SLC35F1: variants seen among roughly 807,000 people sequenced by gnomAD.
The protein encoded by SLC35F1 is chromosome 6 open reading frame 169.
A neutral mutation model predicts 48.7 loss-of-function variants in SLC35F1; 14 were observed. The observed-to-expected ratio is 0.29, with a 90% CI of 0.19 to 0.45. SLC35F1 has a LOEUF of 0.45. Ranked by LOEUF, SLC35F1 falls within the 20% of genes least tolerant of loss-of-function variation. The pLI, the probability that SLC35F1 is intolerant of heterozygous loss-of-function variation, is 1.00. For synonymous variants in SLC35F1, 190 were observed against 202.2 expected (o/e 0.94, Z 0.51); for missense variants, 404 against 500.0 (o/e 0.81, Z 1.83).
At chr6:118,010,300 A>G (rs900244036) in intron 1 of SLC35F1, among the ~76,000 whole-genome samples, 2 of 152,208 alleles carry the variant, frequency 1.3e-5, no homozygotes, top group Non-Finnish European at 2.9e-5. Context: ...TTGAATCATT[A>G]CAGAACAGTA....
At chr6:118,099,158 G>A (rs1562289886) in intron 1 of SLC35F1, among the ~76,000 whole-genome samples, 1 of 152,200 alleles carries the variant, frequency 6.6e-6, no homozygotes, top group Non-Finnish European at 1.5e-5. Flanking sequence ...ATGTGGCAGT[G>A]CCATGATGTC....
intron 1 of SLC35F1, among the ~76,000 whole-genome samples, chr6:118,050,251 A>T (rs1229794095): frequency 6.6e-6 from 1 of 151,956 alleles, no homozygotes; most frequent in Non-Finnish European, 1.5e-5. Context: ...GCATTAGGAG[A>T]TATACCTAAT....
At chr6:117,987,544 T>G (rs1562256298) in intron 1 of SLC35F1, among the ~76,000 whole-genome samples, 1 of 152,092 alleles carries the variant, frequency 6.6e-6, no homozygotes, top group East Asian at 1.9e-4. Context: ...CTGCACAGAC[T>G]TAGGGTTTTA....
At chr6:118,076,054 G>T (rs2114310031) in intron 1 of SLC35F1, among the ~76,000 whole-genome samples, 1 of 151,362 alleles carries the variant, frequency 6.6e-6, no homozygotes, top group Non-Finnish European at 1.5e-5. Context: ...TGATTCTGCT[G>T]GAAAAAAAAA....
chr6:118,253,024 G>C (rs1394742863), intron 3 of SLC35F1, among the ~76,000 whole-genome samples: 4 of 152,086 alleles, frequency 2.6e-5, no homozygotes, highest in Non-Finnish European at 4.4e-5. Flanking sequence ...TAGATAAGTA[G>C]GTGGTTATAT....
chr6:118,020,418 G>GA (rs1777379092), intron 1 of SLC35F1, among the ~76,000 whole-genome samples: 1 of 152,200 alleles, frequency 6.6e-6, no homozygotes, highest in Non-Finnish European at 1.5e-5. Context: ...CAACCAGTTT[G>GA]AAAGTTGGAG....
chr6:117,911,190 T>G (rs1218050451), intron 1 of SLC35F1, among the ~76,000 whole-genome samples: 1 of 152,174 alleles, frequency 6.6e-6, no homozygotes, highest in Non-Finnish European at 1.5e-5. Context: ...ACTAGATAAT[T>G]TTTTAAAATA....
chr6:117,916,997 A>C (rs1252045388), intron 1 of SLC35F1, among the ~76,000 whole-genome samples: 1 of 152,334 alleles, frequency 6.6e-6, no homozygotes, highest in East Asian at 1.9e-4. Flanking sequence ...GGCAATAAAA[A>C]CATGAAAAAG....
At chr6:118,128,718 G>T (rs549237885) in intron 1 of SLC35F1, among the ~76,000 whole-genome samples, 3 of 151,198 alleles carry the variant, frequency 2.0e-5, no homozygotes, top group Non-Finnish European at 4.4e-5. Context: ...GCTAAATGAC[G>T]ACTTAATGGG....
chr6:118,285,664 T>C (rs1224907621), intron 7 of SLC35F1, among the ~76,000 whole-genome samples: 1 of 152,212 alleles, frequency 6.6e-6, no homozygotes, highest in East Asian at 1.9e-4. Context: ...GGAAGAGTTG[T>C]ACAATTCCCA....
In SLC35F1 at chr6:118,314,316, AT is replaced by A; in HGVS notation, c.*66del. 1.4e-6 allele frequency: 2 copies of A among 1,418,506 alleles called. No individual in the cohort carries two copies. Among genetic ancestry groups the A allele is most frequent in the Non-Finnish European group, 2.0e-6 (2 of 1,009,704 alleles). The allele number at this position is 1,418,506 out of a possible 1,614,324, so 87.9% of individuals were successfully genotyped here. On this transcript the variant is annotated 3_prime_UTR_variant, in exon 8 of 8. Coordinates refer to ENST00000360388, the MANE Select transcript of SLC35F1 (RefSeq NM_001029858.4). ...CCATGTTTTTGCCCATCATCTCTGT[AT>A]TGTACATAGAGAAAGGTATTTACTA...
intron 1 of SLC35F1, among the ~76,000 whole-genome samples, chr6:118,039,629 G>A (rs1351746292): frequency 2.0e-5 from 3 of 149,936 alleles, no homozygotes; most frequent in African/African-American, 5.0e-5. Flanking sequence ...AGTTCATCCA[G>A]TAGTCTTTTT....
intron 1 of SLC35F1, among the ~76,000 whole-genome samples, chr6:118,134,244 G>A (rs1320437581): frequency 6.6e-6 from 1 of 152,210 alleles, no homozygotes; most frequent in Non-Finnish European, 1.5e-5. Flanking sequence ...AGAGAAGAGT[G>A]CCTTGTTGGA....
intron 3 of SLC35F1, among the ~76,000 whole-genome samples, chr6:118,255,048 C>G (rs970140966): frequency 6.6e-6 from 1 of 152,176 alleles, no homozygotes; most frequent in Non-Finnish European, 1.5e-5. Flanking sequence ...ATGGTACTCT[C>G]AATGTAAGAG....
At chr6:118,004,126 A>G (rs1321459211) in intron 1 of SLC35F1, among the ~76,000 whole-genome samples, 2 of 152,224 alleles carry the variant, frequency 1.3e-5, no homozygotes, top group African/African-American at 2.4e-5. Context: ...ATTAATCTGG[A>G]TAAATATGCA....
At chr6:118,010,065 C>T (rs186284253) in intron 1 of SLC35F1, among the ~76,000 whole-genome samples, 16 of 152,210 alleles carry the variant, frequency 1.1e-4, no homozygotes, top group East Asian at 5.8e-4. Flanking sequence ...TTCTTTTAAA[C>T]GTAAGATACA....
At chr6:118,099,624 G>A (rs1335285512) in intron 1 of SLC35F1, among the ~76,000 whole-genome samples, 1 of 152,084 alleles carries the variant, frequency 6.6e-6, no homozygotes, top group East Asian at 1.9e-4. Flanking sequence ...TAGAGTCAGA[G>A]CAACAAGGGG....
chr6:118,018,610 A>G (rs777068715), intron 1 of SLC35F1, among the ~76,000 whole-genome samples: 2 of 152,064 alleles, frequency 1.3e-5, no homozygotes, highest in Non-Finnish European at 2.9e-5. Flanking sequence ...ATGTAACCTA[A>G]GTGTTTTATG....
chr6:118,037,229 T>A (rs1582631901), intron 1 of SLC35F1, among the ~76,000 whole-genome samples: 1 of 152,232 alleles, frequency 6.6e-6, no homozygotes, highest in African/African-American at 2.4e-5. Context: ...AATCTTTTTA[T>A]TTAAAGTGTA....
Sources: allele counts gnomAD v4.1 joint callset (sites outside exome capture counted in the v4.1 genomes callset), GRCh38; gene constraint gnomAD v4.1.1; transcripts MANE v1.5; gene names NCBI Gene and HGNC (gene_info 2026-07-23, HGNC 2026-07-21).